The following RBM47 variants were observed in gnomAD, a reference collection of about 807,000 sequenced individuals.
RBM47 encodes RNA-binding protein 47.
In RBM47, 21 loss-of-function variants were observed where a neutral mutation model predicts 47.1. That is an observed-to-expected ratio of 0.45 (90% CI 0.32 to 0.64). RBM47 has a LOEUF of 0.64. Ranked by LOEUF, RBM47 falls within the 30% of genes least tolerant of loss-of-function variation. The pLI, the probability that RBM47 is intolerant of heterozygous loss-of-function variation, is 0.05. For missense variants in RBM47, 708 were observed against 870.9 expected (o/e 0.81, Z 2.35); for synonymous variants, 375 against 361.7 (o/e 1.04, Z -0.42).
intron 2 of RBM47, among the ~76,000 whole-genome samples, chr4:40,490,297 GA>G (rs1560414028): frequency 6.8e-6 from 1 of 147,364 alleles, no homozygotes. Flanking sequence ...AAAGGAAAAA[GA>G]AAAAAAAAGA....
chr4:40,438,769 G>T lies in RBM47; in HGVS notation c.125C>A (p.Thr42Lys). The change falls in exon 4 of 7, where the codon ACG becomes AAG. Residue 42 changes from threonine (T) to lysine (K), a missense_variant. Physicochemically the swap from Thr to Lys is moderately conservative, Grantham distance 78. Transcript: ENST00000295971. ...GTTCTCTTGCACCATGCTGTAGCCC[G>T]TGCGCTCCATCAGCGCCAGCAGTGC... The part of the protein sequence containing the change: ...EAALLALMER[T>K]GYSMVQENGQ... 2 of 1,574,524 alleles carry T rather than the reference G, an allele frequency of 1.3e-6. No individual in the cohort carries two copies. Among genetic ancestry groups the T allele is most frequent in the Non-Finnish European group, 1.7e-6 (2 of 1,164,774 alleles).
intron 1 of RBM47, among the ~76,000 whole-genome samples, chr4:40,622,959 C>A (rs1006583427): frequency 1.3e-5 from 2 of 152,188 alleles, no homozygotes; most frequent in African/African-American, 2.4e-5. Context: ...AAGGTGGAAG[C>A]AGGGGAGCAG....
At chr4:40,574,336 C>A (rs967658700) in intron 1 of RBM47, among the ~76,000 whole-genome samples, 14 of 152,170 alleles carry the variant, frequency 9.2e-5, no homozygotes, top group African/African-American at 3.4e-4. Flanking sequence ...GAAATAAAGA[C>A]TTTTATTTGT....
At chr4:40,600,503 G>T (rs529575100) in intron 1 of RBM47, among the ~76,000 whole-genome samples, 3 of 151,120 alleles carry the variant, frequency 2.0e-5, no homozygotes, top group Non-Finnish European at 2.9e-5. Flanking sequence ...GTGTGGTGGC[G>T]GGCGCCTGTA....
chr4:40,588,120 T>C (rs993412816), intron 1 of RBM47, among the ~76,000 whole-genome samples: 1 of 152,328 alleles, frequency 6.6e-6, no homozygotes, highest in Admixed American at 6.5e-5. Flanking sequence ...CCAAAGACAG[T>C]TGCCACATAA....
chr4:40,472,949 T>C (rs1350174626), intron 2 of RBM47, among the ~76,000 whole-genome samples: 1 of 152,132 alleles, frequency 6.6e-6, no homozygotes, highest in Non-Finnish European at 1.5e-5. Context: ...AGCTTCCCCA[T>C]GACATTCAAA....
intron 3 of RBM47, among the ~76,000 whole-genome samples, chr4:40,463,045 T>C (rs920287833): frequency 6.6e-6 from 1 of 152,208 alleles, no homozygotes; most frequent in Non-Finnish European, 1.5e-5. Flanking sequence ...GTGCAAATCA[T>C]GTCTGATAAG....
intron 2 of RBM47, among the ~76,000 whole-genome samples, chr4:40,522,252 C>T (rs1366800340): frequency 2.0e-5 from 3 of 152,150 alleles, no homozygotes; most frequent in Non-Finnish European, 4.4e-5. Context: ...CGCCTGTAAT[C>T]CTAGAGCTTT....
chr4:40,496,409 A>T (rs1722597191), intron 2 of RBM47, among the ~76,000 whole-genome samples: 1 of 152,020 alleles, frequency 6.6e-6, no homozygotes, highest in African/African-American at 2.4e-5. Flanking sequence ...GGGCCGCAAT[A>T]GTTTTTAAAA....
At chr4:40,575,363 T>A (rs1210507475) in intron 1 of RBM47, among the ~76,000 whole-genome samples, 4 of 151,890 alleles carry the variant, frequency 2.6e-5, no homozygotes, top group African/African-American at 9.7e-5. Context: ...ACCAGCCTGA[T>A]CAACATGGAG....
intron 1 of RBM47, among the ~76,000 whole-genome samples, chr4:40,570,520 T>C (rs1731606308): frequency 1.3e-5 from 2 of 151,980 alleles, no homozygotes; most frequent in Admixed American, 6.6e-5. Flanking sequence ...GGGGAACGAC[T>C]GTAAATACAG....
In RBM47 at chr4:40,557,780, A is replaced by G. The variant is rs140476109; in HGVS notation, c.-239-13274T>C. 3.3e-5 allele frequency among the ~76,000 whole-genome samples: 5 copies of G among 152,302 alleles called. No homozygotes were observed. The East Asian group carries it at 9.6e-4, about 29-fold the overall frequency. On this transcript the variant is annotated intron_variant, in intron 1 of 6. Coordinates refer to ENST00000295971, the MANE Select transcript of RBM47 (RefSeq NM_001098634.2). ...AAAAAATTGTTGAATGAATGAATGC[A>G]TGAGTATAGAATTTTACAATAAAAA... is the stretch of plus-strand genomic sequence containing the variant.
intron 2 of RBM47, among the ~76,000 whole-genome samples, chr4:40,539,632 C>T (rs1490308409): frequency 1.3e-5 from 2 of 148,508 alleles, no homozygotes; most frequent in African/African-American, 5.0e-5. Flanking sequence ...CCCAGCTACT[C>T]GGGAGGCTGA....
intron 3 of RBM47, among the ~76,000 whole-genome samples, chr4:40,448,649 C>G (rs1403382360): frequency 6.6e-6 from 1 of 152,208 alleles, no homozygotes; most frequent in Non-Finnish European, 1.5e-5. Flanking sequence ...CTAGCTGTGT[C>G]TCCTCAGGCA....
rs572091310 is a variant in RBM47, at chr4:40,522,294, C to T, written c.-155+22128G>A. Among the ~76,000 whole-genome samples, 8 of 152,294 alleles carry T rather than the reference C, an allele frequency of 5.3e-5. 1 individual carries two copies. Among genetic ancestry groups the T allele is most frequent in the African/African-American group, 1.4e-4 (6 of 41,556 alleles). Reference sequence around the variant, plus strand: ...CCAAGGCTGGCAGATCACCTGAGGTCAGGAGTTCGAGACCAGCCTTTCCAA... The same window carrying T: ...CCAAGGCTGGCAGATCACCTGAGGTTAGGAGTTCGAGACCAGCCTTTCCAA... On this transcript the variant is annotated intron_variant, in intron 2 of 6. Coordinates refer to ENST00000295971, the MANE Select transcript of RBM47 (RefSeq NM_001098634.2).
chr4:40,445,525 A>G (rs1714414066), intron 3 of RBM47, among the ~76,000 whole-genome samples: 2 of 152,218 alleles, frequency 1.3e-5, no homozygotes, highest in South Asian at 4.1e-4. Flanking sequence ...GCTATGTGCC[A>G]GATACTGTGC....
At chr4:40,517,613 G>A (rs986562221) in intron 2 of RBM47, among the ~76,000 whole-genome samples, 5 of 152,190 alleles carry the variant, frequency 3.3e-5, no homozygotes, top group African/African-American at 1.2e-4. Flanking sequence ...AGCCCTCAGT[G>A]TCTGTGGGTT....
chr4:40,627,800 C>T (rs1737878803), intron 1 of RBM47, among the ~76,000 whole-genome samples: 1 of 152,178 alleles, frequency 6.6e-6, no homozygotes, highest in East Asian at 1.9e-4. Flanking sequence ...CTCAGTATCA[C>T]TACTGCTTTG....
At chr4:40,612,425 T>C (rs28589813) in intron 1 of RBM47, among the ~76,000 whole-genome samples, 30 of 152,252 alleles carry the variant, frequency 2.0e-4, no homozygotes, top group African/African-American at 6.3e-4. Context: ...GGCAAGAGAA[T>C]AGCTTGAACC....
Sources: allele counts gnomAD v4.1 joint callset (sites outside exome capture counted in the v4.1 genomes callset), GRCh38; gene constraint gnomAD v4.1.1; transcripts MANE v1.5; gene names NCBI Gene and HGNC (gene_info 2026-07-23, HGNC 2026-07-21).